The following TCEA1 variants were observed in gnomAD, a reference collection of about 807,000 sequenced individuals.
TCEA1 encodes the protein transcription elongation factor A protein 1.
A neutral mutation model predicts 43.8 loss-of-function variants in TCEA1; 21 were observed. The ratio of observed to expected loss-of-function variants is 0.48; its 90% CI spans 0.34 to 0.69. The LOEUF is 0.69. Ranked by LOEUF, TCEA1 falls within the 30% of genes least tolerant of loss-of-function variation. The pLI is 0.01. For missense variants in TCEA1, 250 were observed against 365.1 expected (o/e 0.68, Z 2.57); for synonymous variants, 104 against 117.5 (o/e 0.88, Z 0.75).
At chr8:53,975,903 C>A (rs1803318158) in intron 8 of TCEA1, among the ~76,000 whole-genome samples, 1 of 152,052 alleles carries the variant, frequency 6.6e-6, no homozygotes, top group South Asian at 2.1e-4. Context: ...AATTCTACCA[C>A]AACTACTTTT....
intron 8 of TCEA1, among the ~76,000 whole-genome samples, chr8:53,974,551 G>T (rs1803269486): frequency 6.6e-6 from 1 of 151,316 alleles, no homozygotes; most frequent in Non-Finnish European, 1.5e-5. Context: ...GGGGGGGACG[G>T]AGTTTCATTC....
intron 1 of TCEA1, among the ~76,000 whole-genome samples, chr8:54,021,050 G>T (rs749581630): frequency 2.0e-5 from 3 of 152,072 alleles, no homozygotes; most frequent in Non-Finnish European, 2.9e-5. Flanking sequence ...ATAGCCAGGC[G>T]TGGTGGCGCA....
chr8:54,018,860 T>C (rs1804928252), intron 1 of TCEA1, among the ~76,000 whole-genome samples: 1 of 152,208 alleles, frequency 6.6e-6, no homozygotes, highest in Admixed American at 6.5e-5. Flanking sequence ...TATCCATGCA[T>C]GGTTCAAGAG....
intron 2 of TCEA1, chr8:54,010,160 CCA>C (rs1289385512): frequency 2.9e-6 from 1 of 343,212 alleles, no homozygotes; most frequent in Non-Finnish European, 5.2e-6. Context: ...CAAATCAGGG[CCA>C]AGAATCCAAC....
chr8:54,012,587 G>A (rs1047425492), intron 1 of TCEA1, among the ~76,000 whole-genome samples: 1 of 152,072 alleles, frequency 6.6e-6, no homozygotes, highest in East Asian at 1.9e-4. Context: ...ACAAAAAAAA[G>A]AAATGTTAAT....
intron 3 of TCEA1, among the ~76,000 whole-genome samples, chr8:53,996,234 C>T (rs1804046919): frequency 6.6e-6 from 1 of 152,240 alleles, no homozygotes; most frequent in South Asian, 2.1e-4. Context: ...CAGAAGCATT[C>T]CTACTATCTG....
chr8:54,016,522 A>G (rs933671944), intron 1 of TCEA1, among the ~76,000 whole-genome samples: 8 of 151,984 alleles, frequency 5.3e-5, no homozygotes, highest in African/African-American at 1.9e-4. Context: ...AACAGCCCAA[A>G]TGTCCACCAA....
At chr8:53,972,158 A>G in intron 8 of TCEA1, 1 of 309,202 alleles carries the variant, frequency 3.2e-6, no homozygotes, top group East Asian at 9.2e-5. Flanking sequence ...ATGAAAACTC[A>G]ACAGACAGTA....
chr8:53,994,722 T>C (rs1803994482), intron 3 of TCEA1, among the ~76,000 whole-genome samples: 1 of 151,700 alleles, frequency 6.6e-6, no homozygotes, highest in Non-Finnish European at 1.5e-5. Flanking sequence ...ATACAAAAAA[T>C]TAGCCGGGCG....
At chr8:53,969,497 GAA>G (rs78315623) in intron 9 of TCEA1, among the ~76,000 whole-genome samples, 1 of 143,968 alleles carries the variant, frequency 6.9e-6, no homozygotes, top group Non-Finnish European at 1.5e-5. Flanking sequence ...AAGTATAAAT[GAA>G]AAAAAAAAGA....
chr8:54,009,422 A>T (rs756123474), intron 2 of TCEA1, among the ~76,000 whole-genome samples: 31 of 152,226 alleles, frequency 2.0e-4, no homozygotes, highest in Non-Finnish European at 4.0e-4. Context: ...GAATCAACCT[A>T]AGTGCCCATC....
At position 53,984,439 on chromosome 8, in the gene TCEA1, G is replaced by C; in HGVS notation, c.602C>G (p.Ala201Gly). The C allele has an allele frequency of 6.2e-7, 1 of 1,601,800 alleles. No individual in the cohort carries two copies. Among genetic ancestry groups the C allele is most frequent in the Non-Finnish European group, 8.5e-7 (1 of 1,174,996 alleles). ...ATTTTTCCTTAAATTTGGATTTTTTGCATCTTTAAGATTTGATATCCTACT... is the reference window on the plus strand; with the variant it reads ...ATTTTTCCTTAAATTTGGATTTTTTCCATCTTTAAGATTTGATATCCTACT... ...VRSRISNLKD[A>G]KNPNLRKNVL... The change falls in exon 7 of 10, where the codon GCA becomes GGA. Residue 201 changes from alanine (A) to glycine (G), a missense_variant. Ala to Gly is a moderately conservative substitution (Grantham distance 60). Around this residue, in one of 4 missense-constraint regions of TCEA1, gnomAD observed 147 missense variants for 160.3 expected, o/e 0.92. Coordinates refer to ENST00000521604, the MANE Select transcript of TCEA1 (RefSeq NM_006756.4).
At chr8:53,968,698 C>G (rs1426925697) in intron 9 of TCEA1, among the ~76,000 whole-genome samples, 1 of 151,652 alleles carries the variant, frequency 6.6e-6, no homozygotes, top group African/African-American at 2.4e-5. Context: ...AAAAATTAGC[C>G]AGGCATGGTG....
Position 54,008,319 on chromosome 8 carries a change from TCAA to T in TCEA1, c.126+2108_126+2110del, listed in dbSNP as rs34975029. 1.9e-3 allele frequency among the ~76,000 whole-genome samples: 284 copies of T among 150,612 alleles called. 2 individuals are homozygous for T. The highest frequency in any genetic ancestry group is 5.9e-3 in the African/African-American group (241 of 41,114). On this transcript the variant is annotated intron_variant, in intron 2 of 9. Transcript: ENST00000521604. ...ACAATAAATAAGGAAGTCAAACAATTCAACAACAACAACAACAACAACAACCAG... is the reference window on the plus strand; with the variant it reads ...ACAATAAATAAGGAAGTCAAACAATTCAACAACAACAACAACAACAACCAG...
chr8:53,972,589 G>T (rs902978714), intron 8 of TCEA1: 4 of 563,206 alleles, frequency 7.1e-6, no homozygotes, highest in Non-Finnish European at 1.4e-5. Flanking sequence ...CCTAAAGGAG[G>T]TGTTATATTT....
At chr8:54,007,119 G>A (rs1804492446) in intron 2 of TCEA1, among the ~76,000 whole-genome samples, 1 of 152,160 alleles carries the variant, frequency 6.6e-6, no homozygotes, top group African/African-American at 2.4e-5. Flanking sequence ...TGGAATTACA[G>A]GCATGAGCCA....
intron 2 of TCEA1, among the ~76,000 whole-genome samples, chr8:54,005,771 T>C (rs1804418263): frequency 6.6e-6 from 1 of 152,208 alleles, no homozygotes; most frequent in African/African-American, 2.4e-5. Context: ...TCAACAGGTC[T>C]TTCAGGCTCC....
At chr8:54,000,175 G>A (rs1291177786) in intron 2 of TCEA1, 125 bp from the exon 3 acceptor site, 6 of 615,960 alleles carry the variant, frequency 9.7e-6, no homozygotes, top group Non-Finnish European at 1.7e-5. Flanking sequence ...TTCAATTTTT[G>A]GATCCTTATA....
chr8:54,013,312 C>T (rs1242890973), intron 1 of TCEA1, among the ~76,000 whole-genome samples: 1 of 152,158 alleles, frequency 6.6e-6, no homozygotes, highest in Non-Finnish European at 1.5e-5. Flanking sequence ...TATGACCTTT[C>T]TGAAAACTGC....
Sources: gnomAD v4.1 joint callset for allele counts (sites outside exome capture counted in the v4.1 genomes callset) on GRCh38, gnomAD v4.1.1 for gene constraint, gnomAD v4.1.1 regional missense constraint, MANE v1.5 for transcripts, NCBI Gene and HGNC (gene_info 2026-07-23, HGNC 2026-07-21) for gene names.